Variants in SAXO1 observed in about 807,000 individuals in gnomAD.
The protein encoded by SAXO1 is 4930500O09Rik.
A neutral mutation model predicts 17.5 loss-of-function variants in SAXO1; 21 were observed. The observed-to-expected ratio is 1.20, with a 90% CI of 0.85 to 1.72. SAXO1 has a LOEUF of 1.72. Ranked by LOEUF, SAXO1 falls within the 40% of genes most tolerant of loss-of-function variation. The pLI is 0.00. For missense variants in SAXO1, 843 were observed against 596.0 expected (o/e 1.41, Z -4.32); for synonymous variants, 274 against 216.5 (o/e 1.27, Z -2.33).
At chr9:19,028,974 G>C (rs114571616) in intron 1 of SAXO1, among the ~76,000 whole-genome samples, 1,938 of 152,312 alleles carry the variant, frequency 0.013, 37 homozygotes, top group African/African-American at 0.045. Flanking sequence ...AACTCCAAAG[G>C]TTTTGCTTTT....
intron 1 of SAXO1, among the ~76,000 whole-genome samples, chr9:19,004,181 G>A (rs752542484): frequency 1.1e-4 from 17 of 152,274 alleles, no homozygotes; most frequent in Admixed American, 7.8e-4. Flanking sequence ...AAACCACAAC[G>A]AGATACCATC....
At chr9:18,953,750 TG>T (rs144879635) in intron 1 of SAXO1, among the ~76,000 whole-genome samples, 2,560 of 152,266 alleles carry the variant, frequency 0.017, 75 homozygotes, top group African/African-American at 0.058. Flanking sequence ...CTTTTTGTTT[TG>T]GAAGCTAGCC....
At chr9:19,025,809 G>C (rs1473940748) in intron 1 of SAXO1, among the ~76,000 whole-genome samples, 2 of 152,072 alleles carry the variant, frequency 1.3e-5, no homozygotes, top group African/African-American at 4.8e-5. Flanking sequence ...AAAAAGTAGT[G>C]TTACTACATT....
At chr9:18,998,460 C>T (rs1320683953) in intron 1 of SAXO1, among the ~76,000 whole-genome samples, 1 of 152,104 alleles carries the variant, frequency 6.6e-6, no homozygotes, top group Non-Finnish European at 1.5e-5. Flanking sequence ...AAATTTGGGA[C>T]TATGTGAAAA....
At chr9:19,047,128 A>C (rs977675794) in intron 1 of SAXO1, among the ~76,000 whole-genome samples, 3 of 152,240 alleles carry the variant, frequency 2.0e-5, no homozygotes, top group Non-Finnish European at 4.4e-5. Context: ...CGGAGGTTGC[A>C]GTAAGCCGAG....
intron 1 of SAXO1, among the ~76,000 whole-genome samples, chr9:18,980,964 G>C (rs572339346): frequency 6.6e-6 from 1 of 152,178 alleles, no homozygotes; most frequent in South Asian, 2.1e-4. Context: ...TCCTGGTAGA[G>C]CGTTACCTAA....
chr9:19,013,693 T>A (rs1588531957), intron 1 of SAXO1, among the ~76,000 whole-genome samples: 1 of 151,902 alleles, frequency 6.6e-6, no homozygotes, highest in Non-Finnish European at 1.5e-5. Flanking sequence ...ATTACAGGCG[T>A]GCATCACCAT....
rs371765176 is a variant in SAXO1, at chr9:19,011,067, T to G, written c.38+21804A>C. ...CACTACAGTATCCTGCATTGCTTTC[T>G]AATTGTTTTATGTAGATGTTTCAGT... On this transcript the variant is annotated intron_variant, in intron 1 of 3. Transcript: ENST00000380534. Among the ~76,000 whole-genome samples the G allele has an allele frequency of 2.7e-4, 41 of 152,346 alleles. 1 individual carries two copies. The East Asian group carries it at 7.5e-3, about 28-fold the overall frequency.
At chr9:18,936,470 C>T (rs1831296685) in intron 3 of SAXO1, among the ~76,000 whole-genome samples, 1 of 152,170 alleles carries the variant, frequency 6.6e-6, no homozygotes, top group African/African-American at 2.4e-5. Context: ...TTTTCTGGCT[C>T]TCTTCTGTGA....
intron 1 of SAXO1, chr9:19,027,186 T>C: frequency 3.3e-6 from 4 of 1,196,306 alleles, no homozygotes; most frequent in Non-Finnish European, 5.0e-6. Context: ...TGACCTGGAC[T>C]CCCAGAGGAA....
At chr9:18,931,003 G>A (rs1191805537) in intron 3 of SAXO1, among the ~76,000 whole-genome samples, 3 of 152,292 alleles carry the variant, frequency 2.0e-5, no homozygotes, top group Non-Finnish European at 1.5e-5. Flanking sequence ...AGTGGAGTCC[G>A]CAGGCACAAT....
At chr9:19,009,831 CT>C (rs34704836) in intron 1 of SAXO1, among the ~76,000 whole-genome samples, 5,645 of 145,986 alleles carry the variant, frequency 0.039, 128 homozygotes, top group Middle Eastern at 0.074. Flanking sequence ...TTGGGGTTTT[CT>C]TTTTTTTTTT....
chr9:18,966,792 G>A (rs992976151), intron 1 of SAXO1, among the ~76,000 whole-genome samples: 4 of 152,144 alleles, frequency 2.6e-5, no homozygotes, highest in African/African-American at 9.7e-5. Flanking sequence ...TTACTGGTGA[G>A]GAGTTGTGAT....
chr9:18,994,399 G>C (rs1222352676), intron 1 of SAXO1, among the ~76,000 whole-genome samples: 1 of 152,158 alleles, frequency 6.6e-6, no homozygotes, highest in Non-Finnish European at 1.5e-5. Context: ...GCACTATCTG[G>C]AAAGATTTAG....
At chr9:18,929,157 T>C in intron 3 of SAXO1, 102 bp from the exon 4 acceptor site, 1 of 1,307,320 alleles carries the variant, frequency 7.6e-7, no homozygotes, top group Non-Finnish European at 1.0e-6. Context: ...CGATGAAGTG[T>C]TCTTTGAGAC....
intron 1 of SAXO1, among the ~76,000 whole-genome samples, chr9:18,984,851 A>G (rs1046495625): frequency 2.0e-5 from 3 of 152,170 alleles, no homozygotes; most frequent in Non-Finnish European, 4.4e-5. Context: ...GCTGTTTGGC[A>G]TAAGAGGCCT....
intron 3 of SAXO1, among the ~76,000 whole-genome samples, chr9:18,930,763 T>C (rs1245813392): frequency 6.6e-6 from 1 of 152,200 alleles, no homozygotes; most frequent in Non-Finnish European, 1.5e-5. Flanking sequence ...CCTCCCAAAG[T>C]GCTGGGATCA....
chr9:19,045,917 G>A (rs1316159554), intron 1 of SAXO1, among the ~76,000 whole-genome samples: 2 of 151,846 alleles, frequency 1.3e-5, no homozygotes, highest in South Asian at 2.1e-4. Context: ...GAGAAACCCC[G>A]TATCTACTAA....
upstream of SAXO1, among the ~76,000 whole-genome samples, chr9:19,036,231 G>A (rs1231929644): frequency 6.9e-6 from 1 of 144,958 alleles, no homozygotes; most frequent in African/African-American, 2.6e-5. Context: ...TTCTGCACAT[G>A]TACCCCAGAA....
Sources: gnomAD v4.1 joint callset for allele counts (sites outside exome capture counted in the v4.1 genomes callset) on GRCh38, gnomAD v4.1.1 for gene constraint, MANE v1.5 for transcripts, NCBI Gene and HGNC (gene_info 2026-07-23, HGNC 2026-07-21) for gene names.